The following TMEM167A variants were observed in gnomAD, a reference collection of about 807,000 sequenced individuals.
TMEM167A encodes the protein transmembrane protein 167A, also known as protein kish-A.
In TMEM167A, 8 loss-of-function variants were observed where a neutral mutation model predicts 11.6. The ratio of observed to expected loss-of-function variants is 0.69; its 90% CI spans 0.40 to 1.24. TMEM167A has a LOEUF of 1.24. Ranked by LOEUF, TMEM167A falls within the 50% of genes most tolerant of loss-of-function variation. TMEM167A has a pLI of 0.01. For missense variants in TMEM167A, 62 were observed against 87.0 expected, an observed-to-expected ratio of 0.71 and a Z score of 1.14; for synonymous variants, 22 against 28.0, an observed-to-expected ratio of 0.79 and a Z score of 0.67.
intron 1 of TMEM167A, among the ~76,000 whole-genome samples, chr5:83,066,773 G>C (rs1236217190): frequency 9.9e-5 from 15 of 152,024 alleles, no homozygotes. Context: ...GTGGTGGGGG[G>C]TAGATCTCCC....
chr5:83,059,933 T>G (rs908897094), intron 3 of TMEM167A, among the ~76,000 whole-genome samples: 3 of 151,418 alleles, frequency 2.0e-5, no homozygotes, highest in Non-Finnish European at 4.4e-5. Flanking sequence ...CTAGGGTATA[T>G]CTGTGATTTT....
In TMEM167A at chr5:83,064,228, C is replaced by T. The variant is rs75504425; in HGVS notation, c.113+780G>A. 3.2e-3 allele frequency: 1,638 copies of T among 518,458 alleles called. 15 individuals are homozygous for T. The highest frequency in any genetic ancestry group is 0.025 in the African/African-American group (1,283 of 52,054). 32.1% of individuals were successfully genotyped at this position (518,458 alleles called of 1,614,324 possible). On this transcript the variant is annotated intron_variant, in intron 2 of 3. Coordinates refer to ENST00000502346, the MANE Select transcript of TMEM167A (RefSeq NM_174909.5). ...TTTATGTTGGAGAAATATACTACCA[C>T]TCAACCTTTACTAGAAGGTTGGCAG... is the stretch of plus-strand genomic sequence containing the variant.
chr5:83,065,639 T>G (rs1744471166), intron 1 of TMEM167A, among the ~76,000 whole-genome samples: 1 of 152,152 alleles, frequency 6.6e-6, no homozygotes, highest in Non-Finnish European at 1.5e-5. Flanking sequence ...ATTGGAGCAT[T>G]TTGGATTTCT....
At chr5:83,064,729 T>C (rs1357907127) in intron 2 of TMEM167A, among the ~76,000 whole-genome samples, 1 of 152,168 alleles carries the variant, frequency 6.6e-6, no homozygotes, top group Non-Finnish European at 1.5e-5. Context: ...TCATAAAAAC[T>C]GATGGACAAC....
At chr5:83,071,200 T>G (rs1269147776) in intron 1 of TMEM167A, among the ~76,000 whole-genome samples, 1 of 152,148 alleles carries the variant, frequency 6.6e-6, no homozygotes, top group Non-Finnish European at 1.5e-5. Context: ...GGGGCTTATT[T>G]ATACATAACA....
chr5:83,073,174 G>C (rs1744588579), intron 1 of TMEM167A, among the ~76,000 whole-genome samples: 1 of 152,164 alleles, frequency 6.6e-6, no homozygotes, highest in African/African-American at 2.4e-5. Flanking sequence ...CAAGACACTT[G>C]GCTCTCCGCA....
chr5:83,064,102 C>A lies in TMEM167A; in HGVS notation c.113+906G>T, dbSNP rs181884238. The A allele has an allele frequency of 1.0e-4, 36 of 344,204 alleles. 1 individual carries two copies. Among genetic ancestry groups the A allele is most frequent in the Middle Eastern group, 8.3e-4 (1 of 1,200 alleles). The allele number at this position is 344,204 out of a possible 1,614,324, so 21.3% of individuals were successfully genotyped here. ...AATCAACATAAAATGGTGCTTAACA[C>A]GTATATAAGTAGAAATAAAGGTTTT... On this transcript the variant is annotated intron_variant, in intron 2 of 3. Transcript: ENST00000502346.
chr5:83,070,342 G>C (rs939722002), intron 1 of TMEM167A, among the ~76,000 whole-genome samples: 2 of 152,126 alleles, frequency 1.3e-5, no homozygotes, highest in Non-Finnish European at 2.9e-5. Flanking sequence ...GCCTCCAAAC[G>C]ATTTGTCATC....
chr5:83,066,604 A>C (rs1744485008), intron 1 of TMEM167A, among the ~76,000 whole-genome samples: 1 of 152,176 alleles, frequency 6.6e-6, no homozygotes. Flanking sequence ...AACTGACAAA[A>C]TCTTAAAACA....
At chr5:83,076,486 T>C (rs1424796667) in intron 1 of TMEM167A, among the ~76,000 whole-genome samples, 1 of 152,246 alleles carries the variant, frequency 6.6e-6, no homozygotes. Context: ...GCAGTCTTCC[T>C]AGTCTCAACT....
At chr5:83,076,478 A>C (rs28383107) in intron 1 of TMEM167A, among the ~76,000 whole-genome samples, 3,784 of 152,332 alleles carry the variant, frequency 0.025, 156 homozygotes, top group African/African-American at 0.086. Flanking sequence ...TAAGAGTGGC[A>C]GTCTTCCTAG....
intron 1 of TMEM167A, among the ~76,000 whole-genome samples, chr5:83,072,824 C>T (rs1310537453): frequency 6.6e-6 from 1 of 152,180 alleles, no homozygotes; most frequent in Non-Finnish European, 1.5e-5. Flanking sequence ...AGAAGATCAG[C>T]ACCCACATCA....
rs756492098 is a variant in TMEM167A, at chr5:83,064,167, T to A, written c.113+841A>T. 2.8e-5 allele frequency: 14 copies of A among 502,602 alleles called. No individual in the cohort carries two copies. The Admixed American group carries it at 2.9e-4, about 10-fold the overall frequency. 31.1% of individuals were successfully genotyped at this position (502,602 alleles called of 1,614,324 possible). On this transcript the variant is annotated intron_variant, in intron 2 of 3. Transcript: ENST00000502346. Reference sequence around the variant, plus strand: ...AACAGTTGACTGTATTAGTACATATTTTAAAATGTAAAAATAGGCATGCTC... The same window carrying A: ...AACAGTTGACTGTATTAGTACATATATTAAAATGTAAAAATAGGCATGCTC...
intron 1 of TMEM167A, among the ~76,000 whole-genome samples, chr5:83,075,802 G>A (rs374016488): frequency 3.9e-5 from 6 of 151,922 alleles, no homozygotes; most frequent in Admixed American, 2.6e-4. Context: ...CATTACCATT[G>A]GGTTACCTCA....
intron 2 of TMEM167A, among the ~76,000 whole-genome samples, chr5:83,062,753 GT>G (rs1427333630): frequency 6.6e-6 from 1 of 151,658 alleles, no homozygotes; most frequent in Admixed American, 6.6e-5. Context: ...GTCACATATG[GT>G]TGCAAATTAA....
chr5:83,074,772 C>T (rs28592576), intron 1 of TMEM167A, among the ~76,000 whole-genome samples: 47,299 of 149,840 alleles, frequency 0.32, 8,677 homozygotes, highest in Non-Finnish European at 0.42. Flanking sequence ...TATCCCCAGA[C>T]TCTTTTTTTT....
chr5:83,071,687 A>C (rs1261304669), intron 1 of TMEM167A, among the ~76,000 whole-genome samples: 1 of 152,182 alleles, frequency 6.6e-6, no homozygotes, highest in Admixed American at 6.5e-5. Context: ...TTAGCGTATA[A>C]ATTTAAACTT....
intron 1 of TMEM167A, among the ~76,000 whole-genome samples, chr5:83,068,952 T>C (rs893501903): frequency 6.6e-6 from 1 of 152,166 alleles, no homozygotes; most frequent in African/African-American, 2.4e-5. Flanking sequence ...GCTGAGAATA[T>C]GAGGGTTCAT....
chr5:83,076,117 T>C (rs1045012663), intron 1 of TMEM167A, among the ~76,000 whole-genome samples: 4 of 152,226 alleles, frequency 2.6e-5, no homozygotes, highest in African/African-American at 9.6e-5. Flanking sequence ...TAAGTTTGAG[T>C]ACTGGCTTTA....
Sources: allele counts gnomAD v4.1 joint callset (sites outside exome capture counted in the v4.1 genomes callset), GRCh38; gene constraint gnomAD v4.1.1; transcripts MANE v1.5; gene names NCBI Gene and HGNC (gene_info 2026-07-23, HGNC 2026-07-21).